VWDE: variants seen among roughly 807,000 people sequenced by gnomAD.
VWDE encodes von Willebrand factor D and EGF domain-containing protein.
A neutral mutation model predicts 178.4 loss-of-function variants in VWDE; 207 were observed. The observed-to-expected ratio is 1.16, with a 90% CI of 1.04 to 1.30. The LOEUF is 1.30. Ranked by LOEUF, VWDE falls within the 50% of genes most tolerant of loss-of-function variation. The pLI is 0.00. For synonymous variants in VWDE, 738 were observed against 651.4 expected, an observed-to-expected ratio of 1.13 and a Z score of -2.02; for missense variants, 2,287 against 1,901.3, an observed-to-expected ratio of 1.20 and a Z score of -3.77.
chr7:12,368,463 G>A (rs1278054342), intron 12 of VWDE, among the ~76,000 whole-genome samples: 5 of 152,012 alleles, frequency 3.3e-5, no homozygotes, highest in African/African-American at 1.2e-4. Context: ...CCTCCGGTGA[G>A]AGGGAGCAGT....
Position 12,389,331 on chromosome 7 carries a change from T to TG in VWDE, c.270dup (p.Ile91HisfsTer72). The stretch of plus-strand genomic sequence containing the variant: ...TCTGAATCTCTCAGAGACAGCCAGA[T>TG]GGGGGCCTGAGTTCCACAATGGTTC... On this transcript the variant is annotated frameshift_variant, in exon 3 of 29. Transcript: ENST00000275358. LOFTEE classifies it high-confidence loss of function. 6.5e-7 allele frequency: 1 copy of TG among 1,549,496 alleles called. No individual in the cohort carries two copies. Among genetic ancestry groups the TG allele is most frequent in the Non-Finnish European group, 8.7e-7 (1 of 1,145,110 alleles).
chr7:12,373,387 A>G (rs917422054), intron 9 of VWDE, 140 bp from the exon 10 acceptor site: 15 of 807,530 alleles, frequency 1.9e-5, no homozygotes, highest in East Asian at 5.3e-5. Flanking sequence ...AAACACCTCA[A>G]TCTCTCCCAC....
Position 12,370,301 on chromosome 7 carries a change from A to G in VWDE, c.2005T>C (p.Ser669Pro). The G allele has an allele frequency of 1.3e-6, 2 of 1,551,142 alleles. No individual in the cohort carries two copies. Among genetic ancestry groups the G allele is most frequent in the Non-Finnish European group, 1.7e-6 (2 of 1,146,824 alleles). The change falls in exon 12 of 29, where the codon TCC becomes CCC. Residue 669 changes from serine to proline, a missense_variant. Transcript: ENST00000275358. ...AGAGTGTCTGAATTAATATATTCGG[A>G]GGTGACATCTAGTTCTGGTATCAAA... is the stretch of plus-strand genomic sequence containing the variant. ...SSLIPELDVT[S>P]EYINSDTLVR...
At chr7:12,366,976 T>G (rs999014593) in intron 13 of VWDE, among the ~76,000 whole-genome samples, 3 of 152,076 alleles carry the variant, frequency 2.0e-5, no homozygotes, top group Admixed American at 2.0e-4. Flanking sequence ...ATGCAATTAG[T>G]CCTCATTTTT....
chr7:12,393,874 G>A, intron 1 of VWDE, 96 bp from the exon 2 acceptor site: 1 of 1,089,762 alleles, frequency 9.2e-7, no homozygotes, highest in Non-Finnish European at 1.3e-6. Flanking sequence ...AAAAAATAAA[G>A]CAAATAAACT....
chr7:12,398,665 C>G (rs770466066), intron 1 of VWDE, among the ~76,000 whole-genome samples: 3 of 152,072 alleles, frequency 2.0e-5, no homozygotes, highest in Non-Finnish European at 2.9e-5. Flanking sequence ...GTAGACTAAA[C>G]CCCTGGCATT....
chr7:12,344,872 A>C (rs551352982), intron 19 of VWDE, among the ~76,000 whole-genome samples: 62 of 152,296 alleles, frequency 4.1e-4, no homozygotes, highest in African/African-American at 1.4e-3. Flanking sequence ...AAATAAGCAA[A>C]TATGCCAGAA....
At chr7:12,374,851 C>A in intron 8 of VWDE, 89 bp from the exon 9 acceptor site, 1 of 1,141,044 alleles carries the variant, frequency 8.8e-7, no homozygotes, top group Non-Finnish European at 1.2e-6. Context: ...AACAAACTTT[C>A]AATTAATTAT....
intron 13 of VWDE, among the ~76,000 whole-genome samples, chr7:12,366,957 AAAG>A (rs1291857742): frequency 3.9e-5 from 6 of 152,130 alleles, no homozygotes; most frequent in Non-Finnish European, 8.8e-5. Flanking sequence ...AGGAAAATAT[AAAG>A]AATAAATGCA....
Position 12,389,273 on chromosome 7 carries a change from A to G in VWDE, c.329T>C (p.Leu110Ser). 1 of 1,551,732 alleles carries G rather than the reference A, an allele frequency of 6.4e-7. No homozygotes were observed. The highest frequency in any genetic ancestry group is 8.7e-7 in the Non-Finnish European group (1 of 1,147,004). ...TLPSPGEIKQ[L>S]TACATWQFLF... ...AAACTGCCATGTTGCACAAGCTGTC[A>G]ATTGCTTGATCTCCCCAGGAGATGG... Residue 110 changes from leucine (L) to serine (S), a missense_variant, in exon 3 of 29, where the codon TTG becomes TCG. By Grantham distance (145) the Leu-to-Ser change is moderately radical (BLOSUM62 -2). Transcript: ENST00000275358.
chr7:12,389,313 C>G lies in VWDE; in HGVS notation c.289G>C (p.Asp97His). ...TQAPIWLSLR[D>H]SETLPSPGEI... is the part of the protein sequence containing the mutation. ...CCAGGAGATGGCAGTGTTTCTGAAT[C>G]TCTCAGAGACAGCCAGATGGGGGCC... Residue 97 changes from aspartate (D) to histidine (H), a missense_variant, in exon 3 of 29, where the codon GAT (aspartate) becomes CAT (histidine). Coordinates refer to ENST00000275358, the MANE Select transcript of VWDE (RefSeq NM_001135924.3). 3 of 1,550,692 alleles carry G rather than the reference C, an allele frequency of 1.9e-6. No homozygotes were observed. The highest frequency in any genetic ancestry group is 2.6e-6 in the Non-Finnish European group (3 of 1,146,112).
chr7:12,337,303 T>C (rs1452491959), intron 24 of VWDE, 31 bp from the exon 25 acceptor site: 1 of 1,507,194 alleles, frequency 6.6e-7, no homozygotes, highest in South Asian at 1.2e-5. Context: ...AATCTGTGAA[T>C]ATTACACATC....
At chr7:12,398,059 G>T (rs1182571918) in intron 1 of VWDE, among the ~76,000 whole-genome samples, 1 of 152,100 alleles carries the variant, frequency 6.6e-6, no homozygotes, top group African/African-American at 2.4e-5. Context: ...CCCATTATGG[G>T]TATATACCCA....
At chr7:12,398,456 C>A (rs992187933) in intron 1 of VWDE, among the ~76,000 whole-genome samples, 7 of 152,088 alleles carry the variant, frequency 4.6e-5, no homozygotes, top group African/African-American at 1.7e-4. Flanking sequence ...TCCTGTTGAC[C>A]AACTCATCTT....
Position 12,343,192 on chromosome 7 carries a change from TTA to T in VWDE, c.4079-16_4079-15del. On this transcript the variant is annotated splice_polypyrimidine_tract_variant and intron_variant, in intron 21 of 28. Transcript: ENST00000275358. ...GGTTACAATGTTCTGCAGAAACAGA[TTA>T]TGTTATTATGTCAGTTCTTAATTTT... 2 of 1,524,564 alleles carry T rather than the reference TTA, an allele frequency of 1.3e-6. No individual in the cohort carries two copies. The highest frequency in any genetic ancestry group is 8.9e-7 in the Non-Finnish European group (1 of 1,126,026). The allele number at this position is 1,524,564 out of a possible 1,614,324, so 94.4% of individuals were successfully genotyped here.
intron 24 of VWDE, among the ~76,000 whole-genome samples, chr7:12,339,553 C>T (rs1583273755): frequency 6.6e-6 from 1 of 152,064 alleles, no homozygotes; most frequent in Non-Finnish European, 1.5e-5. Context: ...TATTTCCATC[C>T]TAAGAATCCT....
chr7:12,339,550 A>T (rs1369967307), intron 24 of VWDE, among the ~76,000 whole-genome samples: 2 of 152,054 alleles, frequency 1.3e-5, no homozygotes, highest in Non-Finnish European at 2.9e-5. Flanking sequence ...CTTTATTTCC[A>T]TCCTAAGAAT....
At chr7:12,369,134 T>C (rs1007639152) in intron 12 of VWDE, among the ~76,000 whole-genome samples, 2 of 152,142 alleles carry the variant, frequency 1.3e-5, no homozygotes, top group Non-Finnish European at 2.9e-5. Flanking sequence ...ATAAACACAG[T>C]GCTTTAAAAA....
At chr7:12,396,122 T>C (rs1784611119) in intron 1 of VWDE, among the ~76,000 whole-genome samples, 1 of 152,186 alleles carries the variant, frequency 6.6e-6, no homozygotes, top group Non-Finnish European at 1.5e-5. Context: ...TGTGTCAAGT[T>C]AGAAATAATA....
Sources: gnomAD v4.1 joint callset for allele counts (sites outside exome capture counted in the v4.1 genomes callset) on GRCh38, gnomAD v4.1.1 for gene constraint, MANE v1.5 for transcripts, NCBI Gene and HGNC (gene_info 2026-07-23, HGNC 2026-07-21) for gene names.